Variants in ITGA11 observed in about 807,000 individuals in gnomAD.
ITGA11 encodes the protein integrin subunit alpha 11.
A neutral mutation model predicts 141.9 loss-of-function variants in ITGA11; 97 were observed. That is an observed-to-expected ratio of 0.68 (90% CI 0.58 to 0.81). The LOEUF (loss-of-function observed/expected upper bound fraction) is 0.81, where lower values mean the gene tolerates loss of function less well. ITGA11 is among the 30% of genes least tolerant of loss of function. The pLI, the probability that ITGA11 is intolerant of heterozygous loss-of-function variation, is 0.00. For missense variants in ITGA11, 1,387 were observed against 1,559.2 expected, an observed-to-expected ratio of 0.89 and a Z score of 1.86; for synonymous variants, 658 against 624.6, an observed-to-expected ratio of 1.05 and a Z score of -0.80.
intron 1 of ITGA11, among the ~76,000 whole-genome samples, chr15:68,425,903 G>A (rs554685508): frequency 8.5e-5 from 13 of 152,272 alleles, no homozygotes; most frequent in East Asian, 7.7e-4. Flanking sequence ...TTGGAAGCCC[G>A]GAGTGCATTG....
rs192332799 is a variant in ITGA11 at position 68,351,850 on chromosome 15, A to T, written c.750-448T>A. Among the ~76,000 whole-genome samples, 878 of 152,208 alleles carry T rather than the reference A, an allele frequency of 5.8e-3. 2 individuals carry two copies. The highest frequency in any genetic ancestry group is 8.8e-3 in the Non-Finnish European group (599 of 68,008). On this transcript the variant is annotated intron_variant, in intron 7 of 29. Transcript: ENST00000315757. ...GTAGTCCTAGCACTGTGGGAGCCGA[A>T]GGCGGGCAGATCAACTGAGGTTGGG...
rs1213652707 is a variant in ITGA11 at position 68,321,427 on chromosome 15, G to A, written c.2399C>T (p.Pro800Leu). ...GAAGGAGCCAACTCACATGGCCGTG[G>A]GCAGGTCACTCCGGGCATCCAACAC... ...DLVLDARSDL[P>L]TAMEYCQRVL... Residue 800 changes from proline (P) to leucine (L), a missense_variant, in exon 19 of 30, where the codon CCC (proline) becomes CTC (leucine). Coordinates refer to ENST00000315757, the MANE Select transcript of ITGA11 (RefSeq NM_001004439.2). The surrounding 1 kb of genome is among the most constrained non-coding windows in gnomAD (Gnocchi z 4.9). The A allele has an allele frequency of 6.3e-7, 1 of 1,584,852 alleles. No homozygotes were observed. Among genetic ancestry groups the A allele is most frequent in the Non-Finnish European group, 8.6e-7 (1 of 1,165,076 alleles).
chr15:68,354,650 C>G (rs2140337648), intron 7 of ITGA11, among the ~76,000 whole-genome samples: 1 of 152,310 alleles, frequency 6.6e-6, no homozygotes, highest in South Asian at 2.1e-4. Context: ...GTTGGAATCC[C>G]AGGGTCTTCC....
At chr15:68,316,248 C>G (rs989148625) in intron 21 of ITGA11, among the ~76,000 whole-genome samples, 2 of 152,218 alleles carry the variant, frequency 1.3e-5, no homozygotes, top group Admixed American at 1.3e-4. Context: ...AGGCATCCGC[C>G]CCTTGTCTGG....
Position 68,304,363 on chromosome 15 carries a change from A to T in ITGA11, c.3382-478T>A, listed in dbSNP as rs565578368. 4.0e-4 allele frequency among the ~76,000 whole-genome samples: 61 copies of T among 152,362 alleles called. No individual in the cohort carries two copies. Among genetic ancestry groups the T allele is most frequent in the African/African-American group, 1.4e-3 (60 of 41,588 alleles). On this transcript the variant is annotated intron_variant, in intron 28 of 29. Transcript: ENST00000315757. The surrounding 1 kb of genome is among the most constrained non-coding windows in gnomAD (Gnocchi z 6.1). ...CCATAACACTTTTAGGAGCCCATGA[A>T]AATGTTTACATTTCTTTTAAAATTA...
chr15:68,430,182 C>A lies in ITGA11; in HGVS notation c.52+1833G>T, dbSNP rs550959070. Among the ~76,000 whole-genome samples the A allele has an allele frequency of 2.0e-5, 3 of 152,332 alleles. No individual in the cohort carries two copies. In the East Asian group the frequency reaches 5.8e-4, roughly 29 times the overall value. ...AGTGGTTTTCGCCATATAAGCGGAG[C>A]TCTGAGTCACAAATCCTGTGTCTTC... On this transcript the variant is annotated intron_variant, in intron 1 of 29. Coordinates refer to ENST00000315757, the MANE Select transcript of ITGA11 (RefSeq NM_001004439.2).
At chr15:68,337,362 A>C (rs1894394913) in intron 11 of ITGA11, among the ~76,000 whole-genome samples, 1 of 152,112 alleles carries the variant, frequency 6.6e-6, no homozygotes, top group Admixed American at 6.5e-5. Context: ...CCATGGCCCG[A>C]AATTTATACT....
intron 1 of ITGA11, among the ~76,000 whole-genome samples, chr15:68,405,089 G>A (rs1289221038): frequency 1.3e-5 from 2 of 150,278 alleles, no homozygotes; most frequent in Non-Finnish European, 3.0e-5. Flanking sequence ...GTATTCAACT[G>A]TGAAGCCCTG....
intron 19 of ITGA11, among the ~76,000 whole-genome samples, chr15:68,320,666 G>A (rs1307694458): frequency 2.0e-5 from 3 of 152,128 alleles, no homozygotes; most frequent in Non-Finnish European, 2.9e-5. Flanking sequence ...CACCACTCAC[G>A]CATCACCACT....
Position 68,325,262 on chromosome 15 carries a change from C to T in ITGA11, c.2212-21G>A, listed in dbSNP as rs1226144250. On this transcript the variant is annotated intron_variant, in intron 17 of 29. Coordinates refer to ENST00000315757, the MANE Select transcript of ITGA11 (RefSeq NM_001004439.2). The surrounding 1 kb of genome is among the most constrained non-coding windows in gnomAD (Gnocchi z 5.5). Reference sequence around the variant, plus strand: ...GTGTCCTGGGGGGTGGAGATGAGGGCAGCGGTGAGGGAGGAGAGAACGTCA... The same window carrying T: ...GTGTCCTGGGGGGTGGAGATGAGGGTAGCGGTGAGGGAGGAGAGAACGTCA... 4.0e-6 allele frequency: 6 copies of T among 1,518,902 alleles called. No homozygotes were observed. Among genetic ancestry groups the T allele is most frequent in the Non-Finnish European group, 5.5e-6 (6 of 1,093,210 alleles). 94.1% of individuals were successfully genotyped at this position (1,518,902 alleles called of 1,614,324 possible). A position where few individuals can be genotyped will look rare whatever the true frequency, so the allele number is the denominator to read the frequency against.
At chr15:68,345,444 C>CCCCTCTA (rs1894714010) in intron 10 of ITGA11, among the ~76,000 whole-genome samples, 2 of 152,128 alleles carry the variant, frequency 1.3e-5, no homozygotes, top group Non-Finnish European at 2.9e-5. Flanking sequence ...CTTGGGGTCT[C>CCCCTCTA]CCCTGTACCC....
chr15:68,383,921 G>T (rs1242517526), intron 2 of ITGA11, among the ~76,000 whole-genome samples: 1 of 152,124 alleles, frequency 6.6e-6, no homozygotes, highest in Non-Finnish European at 1.5e-5. Context: ...AGAGACGGGT[G>T]GCAAAGATGC....
chr15:68,432,097 G>T lies in ITGA11; in HGVS notation c.-31C>A. The T allele has an allele frequency of 7.4e-7, 1 of 1,358,150 alleles. No homozygotes were observed. Among genetic ancestry groups the T allele is most frequent in the Non-Finnish European group, 9.5e-7 (1 of 1,057,950 alleles). 84.1% of individuals were successfully genotyped at this position (1,358,150 alleles called of 1,614,324 possible). On this transcript the variant is annotated 5_prime_UTR_variant, in exon 1 of 30. Transcript: ENST00000315757. ...GCGGCACGGCGGCTGGGTCCGGTGT[G>T]CAGCGGCGGCGGGGGGCGGCAAGCC...
Position 68,324,502 on chromosome 15 carries a change from G to A in ITGA11, c.2322+629C>T, listed in dbSNP as rs1893910664. 6.6e-6 allele frequency among the ~76,000 whole-genome samples: 1 copy of A among 152,128 alleles called. No homozygotes were observed. ...GCTCTTGCAGCACAGCAGCAGAATT[G>A]ATCACTGCCTGACATTTTCCTTGAG... On this transcript the variant is annotated intron_variant, in intron 18 of 29. Transcript: ENST00000315757. The surrounding 1 kb of genome is among the most constrained non-coding windows in gnomAD (Gnocchi z 6.3).
At chr15:68,341,272 G>A (rs577234125) in intron 10 of ITGA11, among the ~76,000 whole-genome samples, 2 of 152,154 alleles carry the variant, frequency 1.3e-5, no homozygotes, top group Non-Finnish European at 2.9e-5. Context: ...CAGTTTGTTC[G>A]GGCCACGACA....
rs767087584 is a variant in ITGA11 at position 68,304,046 on chromosome 15, C to A, written c.3382-161G>T. ...GGATGGGTGGACAGGCCAGCCAAGG[C>A]CTCAGGACGACCACTGCCTGAACAG... On this transcript the variant is annotated intron_variant, in intron 28 of 29. Transcript: ENST00000315757. This position sits in a 1 kb window ranked among gnomAD's most constrained non-coding sequence, Gnocchi z 6.1. 4.1e-4 allele frequency among the ~76,000 whole-genome samples: 62 copies of A among 152,176 alleles called. No individual in the cohort carries two copies. The highest frequency in any genetic ancestry group is 7.4e-4 in the Non-Finnish European group (50 of 68,022).
At chr15:68,345,436 T>TG (rs145185231) in intron 10 of ITGA11, among the ~76,000 whole-genome samples, 244 of 152,272 alleles carry the variant, frequency 1.6e-3, no homozygotes, top group African/African-American at 5.5e-3. Context: ...GGTGATGTCT[T>TG]GGGGTCTCCC....
chr15:68,387,362 C>T (rs959554677), intron 2 of ITGA11, among the ~76,000 whole-genome samples: 10 of 152,252 alleles, frequency 6.6e-5, no homozygotes, highest in East Asian at 1.9e-4. Flanking sequence ...GAATGGCAAC[C>T]GCTAAGTGTG....
chr15:68,338,024 T>A (rs1894426738), intron 11 of ITGA11, among the ~76,000 whole-genome samples: 1 of 152,238 alleles, frequency 6.6e-6, no homozygotes, highest in Non-Finnish European at 1.5e-5. Context: ...ATCGTTTCTC[T>A]GACTCACTTG....
Sources: allele counts gnomAD v4.1 joint callset (sites outside exome capture counted in the v4.1 genomes callset), GRCh38; gene constraint gnomAD v4.1.1; non-coding constraint Gnocchi (gnomAD v3.1); transcripts MANE v1.5; gene names NCBI Gene and HGNC (gene_info 2026-07-23, HGNC 2026-07-21).